Variants in FKBP6 observed in about 807,000 individuals in gnomAD.
FKBP6 encodes the protein FKBP prolyl isomerase family member 6 (inactive).
A neutral mutation model predicts 41.7 loss-of-function variants in FKBP6; 29 were observed. The ratio of observed to expected loss-of-function variants is 0.70; its 90% confidence interval spans 0.52 to 0.95. The LOEUF (loss-of-function observed/expected upper bound fraction) is 0.95. Ranked by LOEUF, FKBP6 falls within the 40% of genes least tolerant of loss-of-function variation. The pLI is 0.00. For missense variants in FKBP6, 338 were observed against 408.7 expected (o/e 0.83, Z 1.49); for synonymous variants, 130 against 165.1 (o/e 0.79, Z 1.63).
At position 73,331,765 on chromosome 7, in the gene FKBP6, AGATAT is replaced by A; in HGVS notation, c.578_582del (p.Arg193LysfsTer15). Reference sequence around the variant, plus strand: ...GAATCGTTTCTATGATGCCAAAGTGAGATATAAAAGGGTGAGAATGCTTTGAAAGT... The same window carrying A: ...GAATCGTTTCTATGATGCCAAAGTGAAAAAGGGTGAGAATGCTTTGAAAGT... On this transcript the variant is annotated frameshift_variant, in exon 5 of 9. Transcript: ENST00000252037. LOFTEE classifies it high-confidence loss of function. 6.2e-7 allele frequency: 1 copy of A among 1,613,892 alleles called. No homozygotes were observed. The highest frequency in any genetic ancestry group is 8.5e-7 in the Non-Finnish European group (1 of 1,179,776).
At chr7:73,331,173 C>A (rs1421164786) in intron 4 of FKBP6, among the ~76,000 whole-genome samples, 1 of 152,154 alleles carries the variant, frequency 6.6e-6, no homozygotes, top group Non-Finnish European at 1.5e-5. Context: ...CTGAAGATGG[C>A]CAGGGCAGAG....
intron 5 of FKBP6, among the ~76,000 whole-genome samples, chr7:73,340,378 A>G (rs1181989253): frequency 1.3e-5 from 2 of 152,160 alleles, no homozygotes; most frequent in African/African-American, 4.8e-5. Flanking sequence ...TTAGCCGGGC[A>G]TGGTGGTGCA....
chr7:73,340,713 C>T lies in FKBP6; in HGVS notation c.664C>T (p.Leu222Phe). 1 of 1,613,982 alleles carries T rather than the reference C, an allele frequency of 6.2e-7. No homozygotes were observed. Among genetic ancestry groups the T allele is most frequent in the African/African-American group, 1.3e-5 (1 of 74,992 alleles). Residue 222 changes from leucine to phenylalanine, a missense_variant, in exon 6 of 9, where the codon CTC (leucine) becomes TTC (phenylalanine). Leu to Phe is a conservative substitution (Grantham distance 22). Coordinates refer to ENST00000252037, the MANE Select transcript of FKBP6 (RefSeq NM_003602.5). ...GGTGGAGGCCGCCAAGCTTCCTGTTCTCCTGAACCTGTCCTTTACATACCT... is the reference window on the plus strand; with the variant it reads ...GGTGGAGGCCGCCAAGCTTCCTGTTTTCCTGAACCTGTCCTTTACATACCT... Reference protein sequence around the residue: ...HLVEAAKLPVLLNLSFTYLKL... With the variant: ...HLVEAAKLPVFLNLSFTYLKL...
At chr7:73,336,547 A>G (rs2115865442) in intron 5 of FKBP6, among the ~76,000 whole-genome samples, 1 of 152,108 alleles carries the variant, frequency 6.6e-6, no homozygotes, top group Non-Finnish European at 1.5e-5. Context: ...TCAATTGTAA[A>G]ATTTTCAGGA....
chr7:73,337,102 T>G (rs771424391), intron 5 of FKBP6: 15 of 324,360 alleles, frequency 4.6e-5, no homozygotes, highest in African/African-American at 6.5e-5. Context: ...ACAATTTCAT[T>G]TGGGTATGAG....
chr7:73,336,933 C>G (rs1443953553), intron 5 of FKBP6: 2 of 327,390 alleles, frequency 6.1e-6, no homozygotes, highest in Non-Finnish European at 6.3e-6. Context: ...ATCAAGGAAA[C>G]AGAAGAAGGG....
At chr7:73,329,310 G>C in intron 2 of FKBP6, 50 bp from the exon 3 acceptor site, 1 of 985,998 alleles carries the variant, frequency 1.0e-6, no homozygotes, top group South Asian at 1.3e-5. Context: ...ATATTATGGT[G>C]GCGTGGGTGT....
At chr7:73,333,013 T>G (rs191305886) in intron 5 of FKBP6, among the ~76,000 whole-genome samples, 1 of 152,352 alleles carries the variant, frequency 6.6e-6, no homozygotes, top group African/African-American at 2.4e-5. Flanking sequence ...GGCTCATGCC[T>G]GTAATCCCAG....
intron 8 of FKBP6, among the ~76,000 whole-genome samples, chr7:73,349,546 CAAAAAAA>C (rs1175280907): frequency 3.7e-4 from 18 of 48,690 alleles, no homozygotes; most frequent in Admixed American, 7.1e-4. Context: ...TACTAAAATA[CAAAAAAA>C]AAAAAAAAAA....
rs566073845 is a variant in FKBP6, at chr7:73,350,280, T to A, written c.*2+7381T>A. Among the ~76,000 whole-genome samples, 12 of 152,286 alleles carry A rather than the reference T, an allele frequency of 7.9e-5. 1 individual carries two copies. The South Asian group carries it at 2.5e-3, about 32-fold the overall frequency. ...TATCATGTCTGTAAACCCACTTAAC[T>A]TTCCTGACATTCTTGTGAGGAAGAA... On this transcript the variant is annotated intron_variant, in intron 8 of 8. Coordinates refer to ENST00000252037, the MANE Select transcript of FKBP6 (RefSeq NM_003602.5).
chr7:73,345,470 T>C (rs1805309122), intron 8 of FKBP6, among the ~76,000 whole-genome samples: 1 of 152,092 alleles, frequency 6.6e-6, no homozygotes, highest in Non-Finnish European at 1.5e-5. Context: ...GCCCCAAACA[T>C]AACTCTTCAG....
intron 8 of FKBP6, among the ~76,000 whole-genome samples, chr7:73,353,536 A>G (rs1345853687): frequency 6.6e-6 from 1 of 152,130 alleles, no homozygotes; most frequent in Non-Finnish European, 1.5e-5. Context: ...CTGGGGCCTG[A>G]TGGACACAGC....
chr7:73,354,326 G>A (rs1006999738), intron 8 of FKBP6, among the ~76,000 whole-genome samples: 10 of 152,248 alleles, frequency 6.6e-5, no homozygotes, highest in African/African-American at 2.4e-4. Context: ...TGGGCTGGTG[G>A]AGCACGAGGG....
At chr7:73,349,899 C>T (rs957918974) in intron 8 of FKBP6, among the ~76,000 whole-genome samples, 18 of 152,144 alleles carry the variant, frequency 1.2e-4, no homozygotes, top group African/African-American at 3.9e-4. Flanking sequence ...AAGGTTGCTT[C>T]GGCCCTTCCC....
intron 5 of FKBP6, chr7:73,336,887 A>G (rs2115867807): frequency 2.2e-6 from 1 of 448,522 alleles, no homozygotes; most frequent in South Asian, 1.6e-5. Context: ...GTTAGACTTG[A>G]TGACGTTGTA....
chr7:73,352,025 G>T (rs1554551179), intron 8 of FKBP6, among the ~76,000 whole-genome samples: 2 of 152,196 alleles, frequency 1.3e-5, no homozygotes, highest in Admixed American at 1.3e-4. Context: ...AGGCTAGAGT[G>T]CAGTGGTGCA....
In FKBP6 at chr7:73,331,236, T is replaced by C. The variant is rs537171980; in HGVS notation, c.469-421T>C. On this transcript the variant is annotated intron_variant, in intron 4 of 8. Coordinates refer to ENST00000252037, the MANE Select transcript of FKBP6 (RefSeq NM_003602.5). Reference sequence around the variant, plus strand: ...CCTGAGCAAACCAAGACCTGTTCAGTGCTTGGTGGCCAAATAGTGGTTTTG... The same window carrying C: ...CCTGAGCAAACCAAGACCTGTTCAGCGCTTGGTGGCCAAATAGTGGTTTTG... Among the ~76,000 whole-genome samples the C allele has an allele frequency of 2.0e-5, 3 of 152,314 alleles. No individual in the cohort carries two copies. The East Asian group carries it at 5.8e-4, about 29-fold the overall frequency.
intron 8 of FKBP6, among the ~76,000 whole-genome samples, chr7:73,349,954 C>A (rs1805443924): frequency 6.6e-6 from 1 of 152,158 alleles, no homozygotes; most frequent in Non-Finnish European, 1.5e-5. Context: ...CATTCTGAGG[C>A]TGTCCGAGAA....
At chr7:73,334,292 C>T (rs2115852585) in intron 5 of FKBP6, among the ~76,000 whole-genome samples, 1 of 152,262 alleles carries the variant, frequency 6.6e-6, no homozygotes, top group South Asian at 2.1e-4. Flanking sequence ...GGGAAACTTT[C>T]TTGAGTTATT....
Sources: gnomAD v4.1 joint callset for allele counts (sites outside exome capture counted in the v4.1 genomes callset) on GRCh38, gnomAD v4.1.1 for gene constraint, MANE v1.5 for transcripts, NCBI Gene and HGNC (gene_info 2026-07-23, HGNC 2026-07-21) for gene names.